ITGAV: variants seen among roughly 807,000 people sequenced by gnomAD.
ITGAV encodes integrin subunit alpha V, also known as integrin alpha-V.
In ITGAV, 76 loss-of-function variants were observed where a neutral mutation model predicts 143.8. The observed-to-expected ratio is 0.53, with a 90% confidence interval of 0.44 to 0.64. ITGAV has a LOEUF of 0.64. Among genes scored for constraint, ITGAV ranks in the 30% least tolerant of loss-of-function variants. ITGAV has a pLI of 0.00. For synonymous variants in ITGAV, 453 were observed against 446.7 expected (o/e 1.01, Z -0.18); for missense variants, 1,193 against 1,274.7 (o/e 0.94, Z 0.98).
intron 3 of ITGAV, among the ~76,000 whole-genome samples, chr2:186,623,719 A>C (rs188625873): frequency 6.6e-6 from 1 of 152,344 alleles, no homozygotes; most frequent in East Asian, 1.9e-4. Context: ...ACAAATAAAA[A>C]ACTATTATTA....
rs149772704 is a variant in ITGAV, at chr2:186,679,665, G to T, written c.*2373G>T. On this transcript the variant is annotated 3_prime_UTR_variant, in exon 30 of 30. Coordinates refer to ENST00000261023, the MANE Select transcript of ITGAV (RefSeq NM_002210.5). ...TTAAGAAAACATGAATGAACTAGAA[G>T]ATATTAAAAACATTTGACATTGGTA... 6.6e-6 allele frequency: 1 copy of T among 151,970 alleles called. No individual in the cohort carries two copies. Among genetic ancestry groups the T allele is most frequent in the African/African-American group, 2.4e-5 (1 of 41,530 alleles). 9.4% of individuals were successfully genotyped at this position (151,970 alleles called of 1,614,324 possible). A position where few individuals can be genotyped will look rare whatever the true frequency, so the allele number is the denominator to read the frequency against.
intron 1 of ITGAV, chr2:186,600,353 C>T: frequency 9.1e-6 from 14 of 1,541,192 alleles, no homozygotes; most frequent in Non-Finnish European, 1.1e-5. Context: ...AGGCACCCTC[C>T]TTCTGATCCT....
chr2:186,601,600 G>C (rs1686908357), intron 1 of ITGAV, among the ~76,000 whole-genome samples: 1 of 150,744 alleles, frequency 6.6e-6, no homozygotes, highest in Admixed American at 6.6e-5. Flanking sequence ...TCAACATTCA[G>C]AATATAGAAA....
At chr2:186,617,420 C>T (rs1467149167) in intron 2 of ITGAV, among the ~76,000 whole-genome samples, 2 of 152,336 alleles carry the variant, frequency 1.3e-5, no homozygotes, top group East Asian at 1.9e-4. Context: ...TCGAAAGCTA[C>T]GACAATCCGG....
At chr2:186,592,708 A>G (rs1686647824) in intron 1 of ITGAV, among the ~76,000 whole-genome samples, 1 of 152,178 alleles carries the variant, frequency 6.6e-6, no homozygotes. Context: ...TCACAGGTTT[A>G]CATGACTTCA....
At position 186,590,257 on chromosome 2, in the gene ITGAV, G is replaced by C. The variant is rs1381194157; in HGVS notation, c.-82G>C. On this transcript the variant is annotated 5_prime_UTR_variant, in exon 1 of 30. Coordinates refer to ENST00000261023, the MANE Select transcript of ITGAV (RefSeq NM_002210.5). Reference sequence around the variant, plus strand: ...GCAAGTTTGGGCGCGCGCAGGCGGCGGGCCGCGGGCACTGGGCGCCTCGCT... The same window carrying C: ...GCAAGTTTGGGCGCGCGCAGGCGGCCGGCCGCGGGCACTGGGCGCCTCGCT... 1.6e-6 allele frequency: 2 copies of C among 1,228,126 alleles called. No individual in the cohort carries two copies. Among genetic ancestry groups the C allele is most frequent in the Non-Finnish European group, 2.1e-6 (2 of 949,602 alleles). 76.1% of individuals were successfully genotyped at this position (1,228,126 alleles called of 1,614,324 possible).
At position 186,647,719 on chromosome 2, in the gene ITGAV, T is replaced by C. The variant is rs549470420; in HGVS notation, c.1351+842T>C. Among the ~76,000 whole-genome samples, 34 of 152,298 alleles carry C rather than the reference T, an allele frequency of 2.2e-4. No individual in the cohort carries two copies. The South Asian group carries it at 2.7e-3, about 12-fold the overall frequency. ...TCCAGTAGAGCAAGCAAGACCTTTT[T>C]CTGGTTCTTATACACTTTGGAGCAT... is the stretch of plus-strand genomic sequence containing the variant. On this transcript the variant is annotated intron_variant, in intron 13 of 29. Coordinates refer to ENST00000261023, the MANE Select transcript of ITGAV (RefSeq NM_002210.5).
chr2:186,678,159 C>A lies in ITGAV; in HGVS notation c.*867C>A, dbSNP rs1689264878. ...CTGGCTATTTACAGTATAAAAAAAGCATTTTTATTAAAATACTGTGTAGTT... is the reference window on the plus strand; with the variant it reads ...CTGGCTATTTACAGTATAAAAAAAGAATTTTTATTAAAATACTGTGTAGTT... On this transcript the variant is annotated 3_prime_UTR_variant, in exon 30 of 30. Coordinates refer to ENST00000261023, the MANE Select transcript of ITGAV (RefSeq NM_002210.5). The A allele has an allele frequency of 1.3e-5, 2 of 151,934 alleles. No homozygotes were observed. Among genetic ancestry groups the A allele is most frequent in the African/African-American group, 2.4e-5 (1 of 41,374 alleles). 9.4% of individuals were successfully genotyped at this position (151,934 alleles called of 1,614,324 possible).
At chr2:186,632,600 G>C (rs929996218) in intron 5 of ITGAV, among the ~76,000 whole-genome samples, 1 of 152,032 alleles carries the variant, frequency 6.6e-6, no homozygotes, top group African/African-American at 2.4e-5. Context: ...GAAATGCTAG[G>C]CAAGCATAAT....
At chr2:186,666,880 A>C in intron 22 of ITGAV, 97 bp downstream of exon 22, 1 of 593,926 alleles carries the variant, frequency 1.7e-6, no homozygotes, top group Non-Finnish European at 2.7e-6. Flanking sequence ...GTAGCAGATT[A>C]AATTTTATTG....
intron 2 of ITGAV, 32 bp downstream of exon 2, chr2:186,602,183 G>T (rs773940729): frequency 1.3e-6 from 2 of 1,581,930 alleles, no homozygotes; most frequent in East Asian, 2.2e-5. Flanking sequence ...TCTTTTCATT[G>T]ATTTCATTTG....
intron 26 of ITGAV, 94 bp downstream of exon 26, chr2:186,669,908 G>A: frequency 2.5e-6 from 2 of 815,166 alleles, no homozygotes; most frequent in Non-Finnish European, 2.0e-6. Flanking sequence ...AACAACAGCT[G>A]TGCTTGAACA....
chr2:186,636,035 A>C (rs763674292), intron 6 of ITGAV, 47 bp from the exon 7 acceptor site: 13 of 1,534,808 alleles, frequency 8.5e-6, no homozygotes, highest in South Asian at 2.4e-5. Context: ...TGTATCATAA[A>C]GTTTCCATTT....
At chr2:186,676,766 TA>T (rs1258402854) in intron 28 of ITGAV, 46 bp from the exon 29 acceptor site, 1 of 1,572,596 alleles carries the variant, frequency 6.4e-7, no homozygotes, top group Non-Finnish European at 8.6e-7. Flanking sequence ...ATTTGTTGAT[TA>T]AGTCAATGGA....
At chr2:186,652,928 T>C (rs4667109) in intron 15 of ITGAV, among the ~76,000 whole-genome samples, 49,019 of 143,376 alleles carry the variant, frequency 0.34, 9,292 homozygotes, top group East Asian at 0.73. Flanking sequence ...ATTTTCATTA[T>C]AGATTTTTTT....
At chr2:186,669,943 A>G (rs1038935011) in intron 26 of ITGAV, 129 bp downstream of exon 26, 1 of 674,302 alleles carries the variant, frequency 1.5e-6, no homozygotes, top group Non-Finnish European at 2.6e-6. Context: ...TATACCATGC[A>G]TTCCTCTCAC....
chr2:186,648,714 C>G (rs1210727638), intron 13 of ITGAV, among the ~76,000 whole-genome samples: 1 of 152,020 alleles, frequency 6.6e-6, no homozygotes, highest in South Asian at 2.1e-4. Context: ...AGGCTGGTCT[C>G]GAACTCCTGA....
At position 186,659,126 on chromosome 2, in the gene ITGAV, G is replaced by T. The variant is rs766704641; in HGVS notation, c.1808G>T (p.Gly603Val). Reference sequence around the variant, plus strand: ...TATAGAACAGCTGCTGATACAACAGGCTTGCAACCCATTCTTAACCAGTTC... The same window carrying T: ...TATAGAACAGCTGCTGATACAACAGTCTTGCAACCCATTCTTAACCAGTTC... ...LDYRTAADTTGLQPILNQFTP... is the reference protein window; with the variant it reads ...LDYRTAADTTVLQPILNQFTP... The change falls in exon 18 of 30, where the codon GGC (glycine) becomes GTC (valine). Residue 603 changes from glycine to valine, a missense_variant. Physicochemically the swap from Gly to Val is moderately radical, Grantham distance 109. Transcript: ENST00000261023. 4 of 1,612,864 alleles carry T rather than the reference G, an allele frequency of 2.5e-6. No homozygotes were observed. In the South Asian group the frequency reaches 3.3e-5, roughly 13 times the overall value.
Position 186,675,672 on chromosome 2 carries a change from A to G in ITGAV, c.2775A>G (p.Ala925=), listed in dbSNP as rs1559071332. ...GGAGATTAGACAGAGGAAAGAGTGCAATCTTGTACGTAAAGTCATTACTGT... is the reference window on the plus strand; with the variant it reads ...GGAGATTAGACAGAGGAAAGAGTGCGATCTTGTACGTAAAGTCATTACTGT... ...QVGRLDRGKS[A]ILYVKSLLWT... The change falls in exon 27 of 30, where the codon GCA becomes GCG. Residue 925 remains alanine (A), a synonymous_variant. Coordinates refer to ENST00000261023, the MANE Select transcript of ITGAV (RefSeq NM_002210.5). 2 of 1,613,966 alleles carry G rather than the reference A, an allele frequency of 1.2e-6. No homozygotes were observed. Among genetic ancestry groups the G allele is most frequent in the Non-Finnish European group, 1.7e-6 (2 of 1,179,900 alleles).
Sources: gnomAD v4.1 joint callset for allele counts (sites outside exome capture counted in the v4.1 genomes callset) on GRCh38, gnomAD v4.1.1 for gene constraint, MANE v1.5 for transcripts, NCBI Gene and HGNC (gene_info 2026-07-23, HGNC 2026-07-21) for gene names.